ARHGAP28: variants seen among roughly 807,000 people sequenced by gnomAD.
ARHGAP28 encodes the protein rho GTPase-activating protein 28.
Under a neutral mutation model 90.7 loss-of-function variants are expected in ARHGAP28, and 56 were observed. The ratio of observed to expected loss-of-function variants is 0.62; its 90% CI spans 0.50 to 0.77. The LOEUF (loss-of-function observed/expected upper bound fraction) is 0.77, where lower values mean the gene tolerates loss of function less well. Among genes scored for constraint, ARHGAP28 ranks in the 30% least tolerant of loss-of-function variants. ARHGAP28 has a pLI of 0.00. For synonymous variants in ARHGAP28, 308 were observed against 323.3 expected (o/e 0.95, Z 0.51); for missense variants, 869 against 900.9 (o/e 0.96, Z 0.45).
chr18:6,788,212 G>A (rs889608452), intron 1 of ARHGAP28, among the ~76,000 whole-genome samples: 2 of 145,328 alleles, frequency 1.4e-5, no homozygotes, highest in African/African-American at 4.9e-5. Flanking sequence ...GGGAGATCTG[G>A]TTGTTCAAAA....
chr18:6,901,329 T>C (rs565008465), intron 16 of ARHGAP28, among the ~76,000 whole-genome samples: 399 of 152,230 alleles, frequency 2.6e-3, no homozygotes, highest in Non-Finnish European at 3.4e-3. Context: ...GAGGACACAC[T>C]TAAGACAATT....
chr18:6,760,037 A>G (rs757868465), intron 1 of ARHGAP28, among the ~76,000 whole-genome samples: 6 of 152,220 alleles, frequency 3.9e-5, no homozygotes, highest in Non-Finnish European at 8.8e-5. Context: ...AAAGAATTCA[A>G]TGTGCTAAAA....
In ARHGAP28 at chr18:6,911,929, G is replaced by A. The variant is rs538280938; in HGVS notation, c.2096-131G>A. The A allele has an allele frequency of 1.1e-5, 5 of 452,242 alleles. No homozygotes were observed. In the East Asian group the frequency reaches 1.3e-4, roughly 12 times the overall value. The allele number at this position is 452,242 out of a possible 1,614,324, so 28.0% of individuals were successfully genotyped here. Reference sequence around the variant, plus strand: ...AGTTTGTTAAGAAACCTTAACATATGTCTACTTACTTTGGCCAAGAAAACT... The same window carrying A: ...AGTTTGTTAAGAAACCTTAACATATATCTACTTACTTTGGCCAAGAAAACT... On this transcript the variant is annotated intron_variant, in intron 17 of 17. Transcript: ENST00000383472.
intron 1 of ARHGAP28, among the ~76,000 whole-genome samples, chr18:6,734,870 T>C (rs913952570): frequency 6.6e-6 from 1 of 152,208 alleles, no homozygotes; most frequent in African/African-American, 2.4e-5. Flanking sequence ...TTCTTTATGT[T>C]ATGGTTGAAA....
At chr18:6,764,300 A>C (rs1462862033) in intron 1 of ARHGAP28, among the ~76,000 whole-genome samples, 1 of 152,212 alleles carries the variant, frequency 6.6e-6, no homozygotes, top group Non-Finnish European at 1.5e-5. Flanking sequence ...GCATATCAGC[A>C]CTGTGACACT....
chr18:6,857,598 A>G (rs969257975), intron 4 of ARHGAP28, among the ~76,000 whole-genome samples: 3 of 152,092 alleles, frequency 2.0e-5, no homozygotes, highest in Admixed American at 6.5e-5. Flanking sequence ...ATGACTATCA[A>G]TCTGAGGTGT....
intron 15 of ARHGAP28, among the ~76,000 whole-genome samples, chr18:6,896,065 G>C (rs920889286): frequency 6.6e-6 from 1 of 152,166 alleles, no homozygotes. Flanking sequence ...GCCATTCATG[G>C]CTGCTAACTA....
intron 1 of ARHGAP28, among the ~76,000 whole-genome samples, chr18:6,777,721 T>A (rs2056295347): frequency 6.6e-6 from 1 of 151,186 alleles, no homozygotes; most frequent in Non-Finnish European, 1.5e-5. Context: ...CAAGACCCTG[T>A]CTCAATGAAT....
rs1466182622 is a variant in ARHGAP28, at chr18:6,868,149, G to A, written c.727-1G>A. 1 of 1,613,364 alleles carries A rather than the reference G, an allele frequency of 6.2e-7. No individual in the cohort carries two copies. The highest frequency in any genetic ancestry group is 8.5e-7 in the Non-Finnish European group (1 of 1,179,404). On this transcript the variant is annotated splice_acceptor_variant, in intron 5 of 17. Coordinates refer to ENST00000383472, the MANE Select transcript of ARHGAP28 (RefSeq NM_001366230.1). LOFTEE classifies it high-confidence loss of function. ...TGTGTTCATCTTCCTTTGCTTGGCA[G>A]GCTATACTTGAGACCATTCCAGTTC...
At chr18:6,803,427 G>T (rs1246476975) in intron 1 of ARHGAP28, among the ~76,000 whole-genome samples, 1 of 152,078 alleles carries the variant, frequency 6.6e-6, no homozygotes, top group African/African-American at 2.4e-5. Flanking sequence ...GTCGCAGGAT[G>T]AACTCCATTT....
intron 1 of ARHGAP28, among the ~76,000 whole-genome samples, chr18:6,739,672 T>TCTCTC (rs200586955): frequency 3.3e-5 from 5 of 151,462 alleles, no homozygotes; most frequent in Non-Finnish European, 7.4e-5. Context: ...TCTCTCTCTC[T>TCTCTC]TTCTTTCAGA....
At chr18:6,817,634 A>T (rs2056600409) in intron 1 of ARHGAP28, among the ~76,000 whole-genome samples, 1 of 152,224 alleles carries the variant, frequency 6.6e-6, no homozygotes, top group African/African-American at 2.4e-5. Flanking sequence ...TGTTATTTCT[A>T]AAACTCAGTA....
At chr18:6,877,128 A>G (rs2057137337) in intron 10 of ARHGAP28, among the ~76,000 whole-genome samples, 1 of 152,242 alleles carries the variant, frequency 6.6e-6, no homozygotes, top group East Asian at 1.9e-4. Flanking sequence ...TCATTAATTC[A>G]TTTTGGTACA....
chr18:6,803,789 A>T (rs1158487798), intron 1 of ARHGAP28, among the ~76,000 whole-genome samples: 1 of 151,486 alleles, frequency 6.6e-6, no homozygotes, highest in Non-Finnish European at 1.5e-5. Context: ...TTATTTATTT[A>T]TTTTTTTGAG....
In ARHGAP28 at chr18:6,913,858, A is replaced by T. The variant is rs2143902678; in HGVS notation, c.*1704A>T. 6.6e-6 allele frequency: 1 copy of T among 152,086 alleles called. No homozygotes were observed. Among genetic ancestry groups the T allele is most frequent in the African/African-American group, 2.4e-5 (1 of 41,404 alleles). The allele number at this position is 152,086 out of a possible 1,614,324, so 9.4% of individuals were successfully genotyped here. ...TGGTGGCACATGACTTTACATAATG[A>T]CTTTCTAGACTCTGAAAAAAATGCT... On this transcript the variant is annotated 3_prime_UTR_variant, in exon 18 of 18. Transcript: ENST00000383472.
At chr18:6,882,383 G>C in intron 11 of ARHGAP28, 84 bp downstream of exon 11, 1 of 1,364,092 alleles carries the variant, frequency 7.3e-7, no homozygotes, top group Non-Finnish European at 9.9e-7. Context: ...AATCAAATGT[G>C]CTCATGTATA....
intron 4 of ARHGAP28, among the ~76,000 whole-genome samples, chr18:6,859,507 G>A (rs1035480173): frequency 1.3e-5 from 2 of 152,164 alleles, no homozygotes; most frequent in African/African-American, 4.8e-5. Flanking sequence ...AAATGAGCCT[G>A]GAAATCAGGT....
rs768493769 is a variant in ARHGAP28 at position 6,837,315 on chromosome 18, C to A, written c.444C>A (p.Ala148=). The change falls in exon 3 of 18, where the codon GCC becomes GCA. Residue 148 remains alanine, a synonymous_variant. Transcript: ENST00000383472. ...LSTLTRTQAA[A]VQKRYHTYTQ... is the part of the protein sequence containing the mutation. ...CATTGACTCGAACCCAAGCAGCTGCCGTGCAAAAGAGATACCATACCTATA... is the reference window on the plus strand; with the variant it reads ...CATTGACTCGAACCCAAGCAGCTGCAGTGCAAAAGAGATACCATACCTATA... 3.1e-6 allele frequency: 5 copies of A among 1,613,246 alleles called. No homozygotes were observed. Among genetic ancestry groups the A allele is most frequent in the East Asian group, 2.2e-5 (1 of 44,810 alleles).
At chr18:6,897,820 G>A (rs1223106470) in intron 16 of ARHGAP28, 1 of 152,198 alleles carries the variant, frequency 6.6e-6, no homozygotes, top group African/African-American at 2.4e-5. Flanking sequence ...CCCTTATGGT[G>A]TTGGAACTTG....
Sources: allele counts gnomAD v4.1 joint callset (sites outside exome capture counted in the v4.1 genomes callset), GRCh38; gene constraint gnomAD v4.1.1; transcripts MANE v1.5; gene names NCBI Gene and HGNC (gene_info 2026-07-23, HGNC 2026-07-21).